The following SH3BGR variants were observed in gnomAD, a reference collection of about 807,000 sequenced individuals.
The protein encoded by SH3BGR is SH3 domain-binding glutamic acid-rich protein.
In SH3BGR, 29 loss-of-function variants were observed where a neutral mutation model predicts 24.5. The observed-to-expected ratio is 1.18, with a 90% CI of 0.88 to 1.61. SH3BGR has a LOEUF of 1.61. SH3BGR is among the 40% of genes most tolerant of loss of function. SH3BGR has a pLI of 0.00. For missense variants in SH3BGR, 162 were observed against 205.8 expected (o/e 0.79, Z 1.30); for synonymous variants, 55 against 65.7 (o/e 0.84, Z 0.79).
chr21:39,456,572 T>TGGGGTAGCAGTTTCCATGC (rs1569148973), intron 1 of SH3BGR, among the ~76,000 whole-genome samples: 2 of 151,922 alleles, frequency 1.3e-5, no homozygotes, highest in African/African-American at 2.4e-5. Context: ...AGTTTCCGTG[T>TGGGGTAGCAGTTTCCATGC]GGGGTAGCAG....
At chr21:39,451,003 G>T (rs1329618924), upstream of SH3BGR, among the ~76,000 whole-genome samples, 1 of 151,816 alleles carries the variant, frequency 6.6e-6, no homozygotes, top group Non-Finnish European at 1.5e-5. Context: ...ATTGTTGTTG[G>T]TAAAGTCGTA....
chr21:39,451,003 G>A (rs1329618924), upstream of SH3BGR, among the ~76,000 whole-genome samples: 2 of 151,816 alleles, frequency 1.3e-5, no homozygotes, highest in African/African-American at 2.4e-5. Context: ...ATTGTTGTTG[G>A]TAAAGTCGTA....
chr21:39,470,695 A>G (rs1569156563), intron 2 of SH3BGR, among the ~76,000 whole-genome samples: 2 of 152,208 alleles, frequency 1.3e-5, no homozygotes, highest in Admixed American at 1.3e-4. Context: ...TTGGTTGAAC[A>G]ATCAATGTTT....
chr21:39,460,038 G>A (rs2148457351), intron 1 of SH3BGR, among the ~76,000 whole-genome samples: 1 of 152,314 alleles, frequency 6.6e-6, no homozygotes, highest in East Asian at 1.9e-4. Flanking sequence ...TGGGGAAGGA[G>A]TTCTAAGTGT....
At chr21:39,467,875 A>G (rs907804023) in intron 2 of SH3BGR, among the ~76,000 whole-genome samples, 2 of 152,210 alleles carry the variant, frequency 1.3e-5, no homozygotes, top group African/African-American at 4.8e-5. Flanking sequence ...GCAAATGAAG[A>G]TATTATCCTG....
chr21:39,475,824 G>A (rs761665473), intron 3 of SH3BGR, among the ~76,000 whole-genome samples: 10 of 152,182 alleles, frequency 6.6e-5, no homozygotes, highest in Non-Finnish European at 1.5e-4. Context: ...CATGTGACTT[G>A]CTAAGACTTG....
At chr21:39,450,085 C>CT (rs776836712), upstream of SH3BGR, among the ~76,000 whole-genome samples, 3 of 75,878 alleles carry the variant, frequency 4.0e-5, no homozygotes, top group Non-Finnish European at 9.4e-5. Context: ...TATGCCCCCA[C>CT]TTTCTTCAAG....
chr21:39,467,709 G>T (rs1275089237), intron 2 of SH3BGR, among the ~76,000 whole-genome samples: 1 of 152,112 alleles, frequency 6.6e-6, no homozygotes, highest in African/African-American at 2.4e-5. Context: ...AAGATTCTTG[G>T]TCAGTCATAT....
chr21:39,454,500 G>A (rs1411917419), intron 1 of SH3BGR, among the ~76,000 whole-genome samples: 1 of 152,182 alleles, frequency 6.6e-6, no homozygotes, highest in South Asian at 2.1e-4. Flanking sequence ...AGAGACCCTG[G>A]GGAGCAGGAG....
chr21:39,502,404 T>C (rs1259718910), intron 4 of SH3BGR, among the ~76,000 whole-genome samples: 1 of 152,204 alleles, frequency 6.6e-6, no homozygotes, highest in African/African-American at 2.4e-5. Flanking sequence ...GAAACCATCT[T>C]GAGGCTATTT....
intron 1 of SH3BGR, among the ~76,000 whole-genome samples, chr21:39,457,151 A>G (rs1275584036): frequency 6.8e-6 from 1 of 146,494 alleles, no homozygotes; most frequent in Non-Finnish European, 1.5e-5. Context: ...AACAAATTAT[A>G]TATAAATCAT....
chr21:39,466,222 T>C (rs1031380117), intron 2 of SH3BGR, among the ~76,000 whole-genome samples: 5 of 152,244 alleles, frequency 3.3e-5, no homozygotes, highest in Non-Finnish European at 7.3e-5. Flanking sequence ...TTGACAACAC[T>C]GTGCATAGCA....
At chr21:39,509,774 C>G (rs2078645039) in intron 5 of SH3BGR, among the ~76,000 whole-genome samples, 1 of 151,870 alleles carries the variant, frequency 6.6e-6, no homozygotes, top group Non-Finnish European at 1.5e-5. Context: ...TGCACTGGGC[C>G]TGGATTAATC....
rs1308731024 is a variant in SH3BGR, at chr21:39,490,030, TA to T, written c.313-9791del. Among the ~76,000 whole-genome samples, 6 of 152,336 alleles carry T rather than the reference TA, an allele frequency of 3.9e-5. No homozygotes were observed. In the South Asian group the frequency reaches 8.3e-4, roughly 21 times the overall value. On this transcript the variant is annotated intron_variant, in intron 3 of 6. Coordinates refer to ENST00000333634, the MANE Select transcript of SH3BGR (RefSeq NM_007341.3). The stretch of plus-strand genomic sequence containing the variant: ...ATGGAGAAAAGAAGGGAAATAAGTG[TA>T]AGTGTTCGAAAGGGCGCATCTCAAT...
chr21:39,506,833 G>A (rs528010168), intron 4 of SH3BGR, among the ~76,000 whole-genome samples: 2 of 152,312 alleles, frequency 1.3e-5, no homozygotes, highest in Admixed American at 1.3e-4. Flanking sequence ...GGGTAGTACA[G>A]TAAGGTTGGG....
intron 2 of SH3BGR, among the ~76,000 whole-genome samples, chr21:39,466,645 G>A (rs963383984): frequency 6.6e-6 from 1 of 152,210 alleles, no homozygotes; most frequent in Non-Finnish European, 1.5e-5. Flanking sequence ...GCAGAGAGAA[G>A]TGCAGAGTGA....
rs2078467989 is a variant in SH3BGR, at chr21:39,500,058, A to G, written c.405+143A>G. ...AGTTTAGCCAGGGAGGAAGCAAGTAATTTCTACTGATGTGTTAAGCACTGG... is the reference window on the plus strand; with the variant it reads ...AGTTTAGCCAGGGAGGAAGCAAGTAGTTTCTACTGATGTGTTAAGCACTGG... On this transcript the variant is annotated intron_variant, in intron 4 of 6. Transcript: ENST00000333634. 8 of 633,546 alleles carry G rather than the reference A, an allele frequency of 1.3e-5. No individual in the cohort carries two copies. In the East Asian group the frequency reaches 2.2e-4, roughly 18 times the overall value. 39.2% of individuals were successfully genotyped at this position (633,546 alleles called of 1,614,324 possible). A position where few individuals can be genotyped will look rare whatever the true frequency, so the allele number is the denominator to read the frequency against.
intron 3 of SH3BGR, among the ~76,000 whole-genome samples, chr21:39,478,168 A>G (rs923682265): frequency 6.6e-6 from 1 of 152,226 alleles, no homozygotes; most frequent in Non-Finnish European, 1.5e-5. Context: ...CAAATATTAC[A>G]TATATGATAT....
Position 39,462,480 on chromosome 21 carries a change from G to T in SH3BGR, c.151G>T (p.Glu51Ter), listed in dbSNP as rs761087636. The T allele has an allele frequency of 8.1e-6, 13 of 1,609,992 alleles. No homozygotes were observed. The highest frequency in any genetic ancestry group is 1.0e-5 in the Non-Finnish European group (12 of 1,179,118). ...GDEDNRRWMR[E>*]NVPGEKKPQN... The stretch of plus-strand genomic sequence containing the variant: ...TGAAGACAACAGGAGGTGGATGAGA[G>T]AGAATGTTCCTGGAGAGAAAAAACC... The change falls in exon 2 of 7, where the codon GAG (glutamate) becomes TAG (stop). Residue 51 changes from glutamate (E) to a stop codon, truncating the protein, a stop_gained. Transcript: ENST00000333634. LOFTEE classifies it high-confidence loss of function.
Sources: allele counts gnomAD v4.1 joint callset (sites outside exome capture counted in the v4.1 genomes callset), GRCh38; gene constraint gnomAD v4.1.1; transcripts MANE v1.5; gene names NCBI Gene and HGNC (gene_info 2026-07-23, HGNC 2026-07-21).